Variants in ELP1 observed in about 807,000 individuals in gnomAD.
The protein encoded by ELP1 is elongator acetyltransferase complex subunit 1.
A neutral mutation model predicts 183.2 loss-of-function variants in ELP1; 131 were observed. The observed-to-expected ratio is 0.72, with a 90% confidence interval of 0.62 to 0.83. ELP1 has a LOEUF of 0.83. Among genes scored for constraint, ELP1 ranks in the 40% least tolerant of loss-of-function variants. The pLI, the probability that ELP1 is intolerant of heterozygous loss-of-function variation, is 0.00. For synonymous variants in ELP1, 555 were observed against 569.0 expected (o/e 0.98, Z 0.35); for missense variants, 1,550 against 1,594.9 (o/e 0.97, Z 0.48).
At chr9:108,930,742 G>A (rs1829976240) in intron 2 of ELP1, among the ~76,000 whole-genome samples, 1 of 147,128 alleles carries the variant, frequency 6.8e-6, no homozygotes, top group South Asian at 2.2e-4. Flanking sequence ...GCATGACAAA[G>A]AGGGTAAAAA....
At chr9:108,916,180 G>C (rs367793290) in intron 10 of ELP1, 24 bp downstream of exon 10, 54 of 1,558,340 alleles carry the variant, frequency 3.5e-5, no homozygotes, top group Non-Finnish European at 4.5e-5. Context: ...GGGGCAGAAG[G>C]CTGGGGTACT....
chr9:108,880,440 G>GCAAAACAAACAAACAAA (rs1407976934), intron 31 of ELP1, among the ~76,000 whole-genome samples: 3 of 148,388 alleles, frequency 2.0e-5, no homozygotes, highest in Non-Finnish European at 4.5e-5. Flanking sequence ...GGGAGGATTG[G>GCAAAACAAACAAACAAA]CAAAACAAAC....
Position 108,922,846 on chromosome 9 carries a change from T to G in ELP1, c.548A>C (p.Gln183Pro), listed in dbSNP as rs1280230991. 6.2e-7 allele frequency: 1 copy of G among 1,612,928 alleles called. No homozygotes were observed. Among genetic ancestry groups the G allele is most frequent in the Non-Finnish European group, 8.5e-7 (1 of 1,178,896 alleles). Residue 183 changes from glutamine to proline, a missense_variant, in exon 6 of 37, where the codon CAA (glutamine) becomes CCA (proline). Gln to Pro is a moderately conservative substitution (Grantham distance 76). Transcript: ENST00000374647. ...TATCCATCAAACCAAACTTACCATT[T>G]GCATCTGAAAAGCTGCTTGTCTGCC... The part of the protein sequence containing the change: ...SEGRQAAFQM[Q>P]MHESALPWDD...
chr9:108,932,381 G>A (rs1489713893), intron 1 of ELP1, among the ~76,000 whole-genome samples: 3 of 152,074 alleles, frequency 2.0e-5, no homozygotes, highest in Non-Finnish European at 2.9e-5. Context: ...CGCTCTTATT[G>A]CCCAGGCTGG....
At chr9:108,923,770 T>C (rs1829738008) in intron 5 of ELP1, among the ~76,000 whole-genome samples, 2 of 152,210 alleles carry the variant, frequency 1.3e-5, no homozygotes, top group Non-Finnish European at 2.9e-5. Context: ...ATCGTAACAC[T>C]TCTCTTATAT....
At chr9:108,889,527 C>A (rs935540822) in intron 28 of ELP1, 134 bp from the exon 29 acceptor site, 19 of 788,114 alleles carry the variant, frequency 2.4e-5, no homozygotes, top group African/African-American at 2.4e-4. Context: ...GTATATACAC[C>A]ACAGAGTCCT....
intron 26 of ELP1, 71 bp from the exon 27 acceptor site, chr9:108,893,154 T>G: frequency 9.8e-7 from 1 of 1,022,690 alleles, no homozygotes; most frequent in Admixed American, 1.7e-5. Context: ...TTTATACCAA[T>G]GGTCACCAAA....
Position 108,912,326 on chromosome 9 carries a change from G to A in ELP1, c.1127C>T (p.Thr376Met), listed in dbSNP as rs376671881. 1.1e-5 allele frequency: 18 copies of A among 1,613,978 alleles called. No individual in the cohort carries two copies. The highest frequency in any genetic ancestry group is 5.3e-5 in the African/African-American group (4 of 74,890). Residue 376 changes from threonine (T) to methionine (M), a missense_variant, in exon 11 of 37, where the codon ACG (threonine) becomes ATG (methionine). Physicochemically the swap from Thr to Met is moderately conservative, Grantham distance 81. Transcript: ENST00000374647. ...WHYLAYDWHW[T>M]TDRSVGDNSS... The stretch of plus-strand genomic sequence containing the variant: ...ATTATCTCCCACGCTCCGGTCAGTC[G>A]TCCAGTGCCAATCATAGGCGAGGTA...
At position 108,880,055 on chromosome 9, in the gene ELP1, G is replaced by A. The variant is rs1587873138; in HGVS notation, c.3457C>T (p.Leu1153=). 6.2e-7 allele frequency: 1 copy of A among 1,608,120 alleles called. No homozygotes were observed. The highest frequency in any genetic ancestry group is 8.5e-7 in the Non-Finnish European group (1 of 1,174,472). The part of the protein sequence containing the change: ...ELKEQAQQAG[L]DDEVPHGQES... ...TGGCCTTCACGCAGATACTCACCCA[G>A]ACCTGCCTGCTGGGCTTGCTCCTTG... The change falls in exon 32 of 37, where the codon CTG becomes TTG. Residue 1153 remains leucine, a synonymous_variant. Transcript: ENST00000374647.
chr9:108,908,326 G>C lies in ELP1; in HGVS notation c.1439C>G (p.Pro480Arg). ...CTACTTGTATCTCTTTTCCAAATGA[G>C]GAGTTCTAAGGCAAACTTTAAATCC... ...GSGFKVCLRT[P>R]HLEKRYKIQF... is the part of the protein sequence containing the mutation. Residue 480 changes from proline to arginine, a missense_variant, in exon 13 of 37, where the codon CCT becomes CGT. Physicochemically the swap from Pro to Arg is moderately radical, Grantham distance 103. Coordinates refer to ENST00000374647, the MANE Select transcript of ELP1 (RefSeq NM_003640.5). 6.2e-7 allele frequency: 1 copy of C among 1,613,034 alleles called. No homozygotes were observed. The highest frequency in any genetic ancestry group is 2.2e-5 in the East Asian group (1 of 44,892).
chr9:108,923,651 A>T (rs937025299), intron 5 of ELP1, among the ~76,000 whole-genome samples: 6 of 152,234 alleles, frequency 3.9e-5, no homozygotes, highest in African/African-American at 1.4e-4. Flanking sequence ...GCTGCAGGTC[A>T]CAAAACAGCT....
At chr9:108,917,953 T>C (rs1829510277) in intron 8 of ELP1, among the ~76,000 whole-genome samples, 1 of 152,182 alleles carries the variant, frequency 6.6e-6, no homozygotes, top group Non-Finnish European at 1.5e-5. Context: ...TGCATTTGGA[T>C]GACTTTAAAA....
At chr9:108,873,074 ATT>A (rs1827550135) in intron 36 of ELP1, among the ~76,000 whole-genome samples, 1 of 152,158 alleles carries the variant, frequency 6.6e-6, no homozygotes, top group African/African-American at 2.4e-5. Context: ...GGGCTTTTCA[ATT>A]TTTCTAAGGA....
intron 2 of ELP1, among the ~76,000 whole-genome samples, chr9:108,930,451 G>A (rs1408079169): frequency 2.0e-5 from 3 of 152,274 alleles, no homozygotes; most frequent in East Asian, 3.9e-4. Flanking sequence ...CTCTTGGCCG[G>A]GCGCTGAGGC....
At chr9:108,932,415 C>T (rs1039638618) in intron 1 of ELP1, among the ~76,000 whole-genome samples, 13 of 152,254 alleles carry the variant, frequency 8.5e-5, no homozygotes, top group Admixed American at 6.5e-4. Context: ...GATCTCGGCT[C>T]ACCGCAACAT....
intron 19 of ELP1, 59 bp downstream of exon 19, chr9:108,900,201 G>T: frequency 8.5e-7 from 1 of 1,169,640 alleles, no homozygotes; most frequent in Non-Finnish European, 1.3e-6. Context: ...CAAGAATTAT[G>T]CTTGGTACTT....
Position 108,872,665 on chromosome 9 carries a change from C to T in ELP1, c.3931+2230G>A, listed in dbSNP as rs756923452. Among the ~76,000 whole-genome samples the T allele has an allele frequency of 8.6e-5, 13 of 150,496 alleles. 1 individual carries two copies. The highest frequency in any genetic ancestry group is 1.9e-4 in the Non-Finnish European group (13 of 67,802). ...TAAAAATACAAAAAAATTAGCCGGG[C>T]GTGATGGCGGGCGCCTGTAGTCCCA... On this transcript the variant is annotated intron_variant, in intron 36 of 36. Coordinates refer to ENST00000374647, the MANE Select transcript of ELP1 (RefSeq NM_003640.5).
chr9:108,903,702 G>A, intron 14 of ELP1, 33 bp from the exon 15 acceptor site: 1 of 1,495,164 alleles, frequency 6.7e-7, no homozygotes, highest in Non-Finnish European at 9.3e-7. Context: ...AGTGTAAACA[G>A]ACCATTTTTC....
In ELP1 at chr9:108,931,001, CTT is replaced by C; in HGVS notation, c.144_145del (p.Glu50SerfsTer4). ...CATTCTACATCAGTAACTTACTTCT[CTT>C]GAGACAGGGTCTACTTCTATCAGGC... On this transcript the variant is annotated frameshift_variant, in exon 2 of 37. Coordinates refer to ENST00000374647, the MANE Select transcript of ELP1 (RefSeq NM_003640.5). LOFTEE classifies it high-confidence loss of function. The C allele has an allele frequency of 6.2e-7, 1 of 1,614,134 alleles. No homozygotes were observed. Among genetic ancestry groups the C allele is most frequent in the Non-Finnish European group, 8.5e-7 (1 of 1,180,004 alleles).
Sources: gnomAD v4.1 joint callset for allele counts (sites outside exome capture counted in the v4.1 genomes callset) on GRCh38, gnomAD v4.1.1 for gene constraint, MANE v1.5 for transcripts, NCBI Gene and HGNC (gene_info 2026-07-23, HGNC 2026-07-21) for gene names.